Variants in FARP2 observed in about 807,000 individuals in gnomAD.
The protein encoded by FARP2 is FERM, ARH/RhoGEF and pleckstrin domain protein 2, also known as FERM, ARHGEF and pleckstrin domain-containing protein 2.
In FARP2, 111 loss-of-function variants were observed where a neutral mutation model predicts 130.5. The ratio of observed to expected loss-of-function variants is 0.85; its 90% CI spans 0.73 to 1.00. The LOEUF (loss-of-function observed/expected upper bound fraction) is 1.00. Among genes scored for constraint, FARP2 ranks in the 50% least tolerant of loss-of-function variants. The pLI, the probability that FARP2 is intolerant of heterozygous loss-of-function variation, is 0.00. For synonymous variants in FARP2, 504 were observed against 516.9 expected (o/e 0.98, Z 0.34); for missense variants, 1,385 against 1,346.3 (o/e 1.03, Z -0.45).
At chr2:241,381,274 G>A (rs2061657404) in intron 2 of FARP2, among the ~76,000 whole-genome samples, 3 of 152,020 alleles carry the variant, frequency 2.0e-5, no homozygotes, top group Non-Finnish European at 4.4e-5. Flanking sequence ...CCCCTCTAGT[G>A]CCCAAAACCT....
At chr2:241,457,014 G>A in intron 14 of FARP2, 92 bp downstream of exon 14, 1 of 1,224,910 alleles carries the variant, frequency 8.2e-7, no homozygotes. Flanking sequence ...GGACCCTGGG[G>A]CGGGGCAGGG....
In FARP2 at chr2:241,359,293, A is replaced by G. The variant is rs146258940; in HGVS notation, c.-25+2905A>G. Among the ~76,000 whole-genome samples, 32 of 152,246 alleles carry G rather than the reference A, an allele frequency of 2.1e-4. 1 individual carries two copies. The East Asian group carries it at 5.4e-3, about 26-fold the overall frequency. On this transcript the variant is annotated intron_variant, in intron 1 of 26. Transcript: ENST00000264042. ...AAATTCAAAAACAAAAAGGCCCTAT[A>G]ATGTTGTAGGATGCAGTGATGAATC...
Position 241,407,609 on chromosome 2 carries a change from A to T in FARP2, c.404A>T (p.Tyr135Phe). ...PPDPGQLQEE[Y>F]TRYLFALQLK... ...GATCCTGGTCAGCTACAAGAAGAAT[A>T]TACAAGGTAAAGAGCTCACAGAGCT... The change falls in exon 5 of 27, where the codon TAT becomes TTT. Residue 135 changes from tyrosine (Y) to phenylalanine (F), a missense_variant. Coordinates refer to ENST00000264042, the MANE Select transcript of FARP2 (RefSeq NM_014808.4). 1.2e-6 allele frequency: 2 copies of T among 1,613,066 alleles called. No homozygotes were observed. Among genetic ancestry groups the T allele is most frequent in the Non-Finnish European group, 1.7e-6 (2 of 1,178,996 alleles).
intron 13 of FARP2, chr2:241,444,518 T>C (rs993368858): frequency 7.2e-5 from 11 of 152,074 alleles, no homozygotes; most frequent in African/African-American, 2.7e-4. Context: ...GGACAGCAGG[T>C]TAGGTTTGGG....
At chr2:241,376,452 G>A (rs976282275) in intron 2 of FARP2, among the ~76,000 whole-genome samples, 1 of 152,224 alleles carries the variant, frequency 6.6e-6, no homozygotes, top group African/African-American at 2.4e-5. Context: ...GCCTCTGGAA[G>A]TGCAATTGTC....
In FARP2 at chr2:241,456,856, A is replaced by T. The variant is rs1473403800; in HGVS notation, c.1521A>T (p.Pro507=). 1 of 1,612,732 alleles carries T rather than the reference A, an allele frequency of 6.2e-7. No homozygotes were observed. The highest frequency in any genetic ancestry group is 8.5e-7 in the Non-Finnish European group (1 of 1,179,546). ...GCCCAGCTGAACAGGGCTCATCCCC[A>T]CTCCTGAGCCCTGTCCTCAGTGATG... ...PLGPAEQGSS[P]LLSPVLSDAG... is the part of the protein sequence containing the mutation. Residue 507 remains proline, a synonymous_variant, in exon 14 of 27, where the codon CCA becomes CCT. Coordinates refer to ENST00000264042, the MANE Select transcript of FARP2 (RefSeq NM_014808.4).
intron 1 of FARP2, among the ~76,000 whole-genome samples, chr2:241,365,267 T>C (rs904912971): frequency 2.0e-5 from 3 of 152,240 alleles, no homozygotes; most frequent in African/African-American, 7.2e-5. Context: ...CAATCTTTTT[T>C]TCCTGTACCC....
At position 241,382,290 on chromosome 2, in the gene FARP2, C is replaced by CTCTT. The variant is rs1553709361; in HGVS notation, c.183+9001_183+9002insCTTT. ...TATTTTCAGTTTCTCTGTACAAAATCTATTTTTTTTTTTTTTTTTTTTGAG... is the reference window on the plus strand; with the variant it reads ...TATTTTCAGTTTCTCTGTACAAAATCTCTTTATTTTTTTTTTTTTTTTTTTTGAG... On this transcript the variant is annotated intron_variant, in intron 2 of 26. Transcript: ENST00000264042. Among the ~76,000 whole-genome samples, 71 of 127,192 alleles carry CTCTT rather than the reference C, an allele frequency of 5.6e-4. 4 individuals are homozygous for CTCTT. The highest frequency in any genetic ancestry group is 5.0e-3 in the East Asian group (21 of 4,168). 83.4% of individuals were successfully genotyped at this position (127,192 alleles called of 152,430 possible). A position where few individuals can be genotyped will look rare whatever the true frequency, so the allele number is the denominator to read the frequency against.
At chr2:241,406,147 T>C (rs566377594) in intron 4 of FARP2, among the ~76,000 whole-genome samples, 2 of 150,244 alleles carry the variant, frequency 1.3e-5, no homozygotes, top group Admixed American at 1.3e-4. Flanking sequence ...ACTAAAAATA[T>C]AAATTAGCCG....
chr2:241,485,869 C>T (rs2064740897), intron 21 of FARP2, among the ~76,000 whole-genome samples: 2 of 145,154 alleles, frequency 1.4e-5, no homozygotes, highest in African/African-American at 2.6e-5. Flanking sequence ...TCCCTGGAGT[C>T]CTTCCTCCCC....
chr2:241,381,074 G>T (rs761897605), intron 2 of FARP2, among the ~76,000 whole-genome samples: 1 of 152,004 alleles, frequency 6.6e-6, no homozygotes, highest in Non-Finnish European at 1.5e-5. Flanking sequence ...TCCCAACATG[G>T]GCCCATCCTA....
intron 14 of FARP2, among the ~76,000 whole-genome samples, chr2:241,462,163 A>G (rs1185208503): frequency 6.6e-6 from 1 of 152,242 alleles, no homozygotes; most frequent in African/African-American, 2.4e-5. Context: ...GCTCATTTTA[A>G]TGACTTTTGT....
chr2:241,468,065 C>G, intron 17 of FARP2, 75 bp from the exon 18 acceptor site: 1 of 1,027,470 alleles, frequency 9.7e-7, no homozygotes, highest in Admixed American at 1.7e-5. Flanking sequence ...CACCTGCCAT[C>G]AAGGAAAACA....
intron 8 of FARP2, among the ~76,000 whole-genome samples, chr2:241,421,597 G>A (rs754246687): frequency 5.9e-5 from 9 of 152,152 alleles, no homozygotes; most frequent in East Asian, 3.8e-4. Context: ...TGCAGCATAC[G>A]TACTCTGCAA....
intron 21 of FARP2, chr2:241,488,830 T>C (rs769693187): frequency 6.6e-6 from 1 of 152,252 alleles, no homozygotes; most frequent in Non-Finnish European, 1.5e-5. Context: ...GAGTTCTTTC[T>C]GGGCATTCTG....
intron 17 of FARP2, chr2:241,465,471 C>T (rs1274572563): frequency 5.8e-6 from 9 of 1,550,330 alleles, no homozygotes; most frequent in Non-Finnish European, 7.8e-6. Flanking sequence ...TGTTCCAGCT[C>T]CACGAAGGGC....
intron 2 of FARP2, among the ~76,000 whole-genome samples, chr2:241,399,470 A>G (rs2150341552): frequency 6.6e-6 from 1 of 152,168 alleles, no homozygotes; most frequent in South Asian, 2.1e-4. Flanking sequence ...ACACCCGGCT[A>G]ATTTTTGTGT....
At chr2:241,435,591 A>G (rs908466031) in intron 11 of FARP2, among the ~76,000 whole-genome samples, 1 of 148,420 alleles carries the variant, frequency 6.7e-6, no homozygotes. Flanking sequence ...GGCTCACTGC[A>G]AGCTCCGCCT....
In FARP2 at chr2:241,434,306, C is replaced by T. The variant is rs1227265049; in HGVS notation, c.1016C>T (p.Ser339Phe). 1.2e-6 allele frequency: 2 copies of T among 1,612,014 alleles called. No individual in the cohort carries two copies. Among genetic ancestry groups the T allele is most frequent in the African/African-American group, 2.7e-5 (2 of 74,762 alleles). The part of the protein sequence containing the change: ...KAKAVFFSRG[S>F]SFRYSGRTQK... The stretch of plus-strand genomic sequence containing the variant: ...AAAGCCGTCTTCTTCAGCCGGGGCT[C>T]CTCCTTCAGATACAGGTAGGGGCCA... The change falls in exon 10 of 27, where the codon TCC (serine) becomes TTC (phenylalanine). Residue 339 changes from serine to phenylalanine, a missense_variant. By Grantham distance (155) the Ser-to-Phe change is radical (BLOSUM62 -2). Coordinates refer to ENST00000264042, the MANE Select transcript of FARP2 (RefSeq NM_014808.4).
Sources: gnomAD v4.1 joint callset for allele counts (sites outside exome capture counted in the v4.1 genomes callset) on GRCh38, gnomAD v4.1.1 for gene constraint, MANE v1.5 for transcripts, NCBI Gene and HGNC (gene_info 2026-07-23, HGNC 2026-07-21) for gene names.